Variants in UBL3 observed in about 807,000 individuals in gnomAD.
UBL3 encodes the protein ubiquitin-like protein 3.
In UBL3, 6 loss-of-function variants were observed where a neutral mutation model predicts 18.4. The ratio of observed to expected loss-of-function variants is 0.33; its 90% confidence interval spans 0.18 to 0.64. The LOEUF is 0.64. UBL3 is among the 30% of genes least tolerant of loss of function. The probability of loss-of-function intolerance (pLI) is 0.76; values close to 1 mark genes in which losing one functional copy is unlikely to be tolerated. For synonymous variants in UBL3, 49 were observed against 46.6 expected, an observed-to-expected ratio of 1.05 and a Z score of -0.21; for missense variants, 109 against 142.9, an observed-to-expected ratio of 0.76 and a Z score of 1.21.
At chr13:29,784,759 T>C (rs1222127309) in intron 1 of UBL3, among the ~76,000 whole-genome samples, 1 of 152,210 alleles carries the variant, frequency 6.6e-6, no homozygotes, top group Non-Finnish European at 1.5e-5. Context: ...GTGATGGAAC[T>C]GTCCTGTATC....
At chr13:29,817,063 C>A (rs79900483) in intron 1 of UBL3, among the ~76,000 whole-genome samples, 2,278 of 152,254 alleles carry the variant, frequency 0.015, 57 homozygotes, top group African/African-American at 0.051. Context: ...CCTCATTATT[C>A]CTGGACATTT....
Position 29,849,831 on chromosome 13 carries a change from C to G in UBL3, c.-293G>C, listed in dbSNP as rs996314591. 1.7e-5 allele frequency: 9 copies of G among 534,280 alleles called. No individual in the cohort carries two copies. The highest frequency in any genetic ancestry group is 7.7e-5 in the African/African-American group (4 of 52,098). The allele number at this position is 534,280 out of a possible 1,614,324, so 33.1% of individuals were successfully genotyped here. A position where few individuals can be genotyped will look rare whatever the true frequency, so the allele number is the denominator to read the frequency against. Reference sequence around the variant, plus strand: ...CAGCAGCAGCAGCCCCAGGACCGGCCGCGCCAGGTGGACCGAGCCGAGTGA... The same window carrying G: ...CAGCAGCAGCAGCCCCAGGACCGGCGGCGCCAGGTGGACCGAGCCGAGTGA... On this transcript the variant is annotated 5_prime_UTR_variant, in exon 1 of 5. Transcript: ENST00000380680.
At chr13:29,777,597 C>T (rs562647876) in intron 1 of UBL3, 8 of 299,626 alleles carry the variant, frequency 2.7e-5, no homozygotes, top group South Asian at 2.5e-4. Context: ...ATAGAATATA[C>T]ATTTTTACCC....
chr13:29,819,425 A>T (rs1565997748), intron 1 of UBL3, among the ~76,000 whole-genome samples: 1 of 152,240 alleles, frequency 6.6e-6, no homozygotes, highest in Non-Finnish European at 1.5e-5. Context: ...CAAAAGAAAC[A>T]GTTACCTGTG....
intron 1 of UBL3, among the ~76,000 whole-genome samples, chr13:29,828,787 T>A (rs1449253040): frequency 6.6e-6 from 1 of 152,244 alleles, no homozygotes; most frequent in Non-Finnish European, 1.5e-5. Flanking sequence ...TGCTCTGTTT[T>A]TTCCCCATTT....
intron 1 of UBL3, among the ~76,000 whole-genome samples, chr13:29,780,017 C>T (rs937084869): frequency 6.6e-6 from 1 of 152,076 alleles, no homozygotes; most frequent in African/African-American, 2.4e-5. Context: ...TTTTGCCTGT[C>T]TACTGTATTT....
At chr13:29,811,484 G>C (rs1878081099) in intron 1 of UBL3, among the ~76,000 whole-genome samples, 1 of 152,042 alleles carries the variant, frequency 6.6e-6, no homozygotes, top group Non-Finnish European at 1.5e-5. Flanking sequence ...GAGGTGTATG[G>C]AAGACTGATG....
chr13:29,814,655 C>T (rs1312126796), intron 1 of UBL3, among the ~76,000 whole-genome samples: 1 of 152,048 alleles, frequency 6.6e-6, no homozygotes, highest in Non-Finnish European at 1.5e-5. Flanking sequence ...GCTGTCCCAG[C>T]ACATAAGCTA....
At chr13:29,771,806 A>C (rs1876847680) in intron 3 of UBL3, among the ~76,000 whole-genome samples, 1 of 152,056 alleles carries the variant, frequency 6.6e-6, no homozygotes, top group Non-Finnish European at 1.5e-5. Flanking sequence ...TTAAGTTTAA[A>C]ATACTACATC....
intron 1 of UBL3, among the ~76,000 whole-genome samples, chr13:29,788,306 A>T (rs1302574063): frequency 2.0e-5 from 3 of 152,118 alleles, no homozygotes; most frequent in African/African-American, 7.2e-5. Flanking sequence ...TACTTATTCT[A>T]TGCTATTATC....
intron 1 of UBL3, among the ~76,000 whole-genome samples, chr13:29,837,172 A>G (rs1255536635): frequency 6.6e-6 from 1 of 152,214 alleles, no homozygotes; most frequent in African/African-American, 2.4e-5. Flanking sequence ...ATTTTTCATC[A>G]CAATGTTAAT....
At chr13:29,780,704 TTACCTATCC>T (rs1877131781) in intron 1 of UBL3, among the ~76,000 whole-genome samples, 1 of 152,106 alleles carries the variant, frequency 6.6e-6, no homozygotes, top group African/African-American at 2.4e-5. Flanking sequence ...AAGACTACAT[TTACCTATCC>T]TACCTATCCT....
intron 1 of UBL3, among the ~76,000 whole-genome samples, chr13:29,835,562 C>A (rs1878939748): frequency 6.6e-6 from 1 of 151,470 alleles, no homozygotes; most frequent in Non-Finnish European, 1.5e-5. Flanking sequence ...CAAGACCATC[C>A]TGGCCAACAT....
At chr13:29,829,752 T>C (rs1184696692) in intron 1 of UBL3, among the ~76,000 whole-genome samples, 1 of 152,206 alleles carries the variant, frequency 6.6e-6, no homozygotes, top group Non-Finnish European at 1.5e-5. Flanking sequence ...CAGTTGGAAA[T>C]GCAGAAATCA....
rs145139292 is a variant in UBL3 at position 29,790,409 on chromosome 13, T to C, written c.28-13146A>G. 4.6e-5 allele frequency among the ~76,000 whole-genome samples: 7 copies of C among 152,346 alleles called. No homozygotes were observed. The East Asian group carries it at 9.6e-4, about 21-fold the overall frequency. On this transcript the variant is annotated intron_variant, in intron 1 of 4. Coordinates refer to ENST00000380680, the MANE Select transcript of UBL3 (RefSeq NM_007106.4). ...GAACTGTGCTCCTAAAGGTTACTTA[T>C]GACCATCTAATGAAAACATCAAAAA... is the stretch of plus-strand genomic sequence containing the variant.
intron 1 of UBL3, among the ~76,000 whole-genome samples, chr13:29,836,170 T>A (rs1878957246): frequency 6.6e-6 from 1 of 151,920 alleles, no homozygotes; most frequent in Non-Finnish European, 1.5e-5. Flanking sequence ...TGACTGAATA[T>A]AAAGAATGAG....
In UBL3 at chr13:29,832,163, C is replaced by T. The variant is rs1016294356; in HGVS notation, c.27+17349G>A. ...GACACAGCAGTTTAGAAAGATGAGGCCTCTCTGCCCTCAGAGTAAGTACAT... is the reference window on the plus strand; with the variant it reads ...GACACAGCAGTTTAGAAAGATGAGGTCTCTCTGCCCTCAGAGTAAGTACAT... On this transcript the variant is annotated intron_variant, in intron 1 of 4. Transcript: ENST00000380680. Among the ~76,000 whole-genome samples, 12 of 152,246 alleles carry T rather than the reference C, an allele frequency of 7.9e-5. 1 individual carries two copies. The Middle Eastern group carries it at 0.02, about 259-fold the overall frequency.
chr13:29,790,420 T>A (rs1206116058), intron 1 of UBL3, among the ~76,000 whole-genome samples: 1 of 152,210 alleles, frequency 6.6e-6, no homozygotes, highest in African/African-American at 2.4e-5. Context: ...GACCATCTAA[T>A]GAAAACATCA....
At chr13:29,771,560 G>C (rs1158142045) in intron 3 of UBL3, among the ~76,000 whole-genome samples, 1 of 152,046 alleles carries the variant, frequency 6.6e-6, no homozygotes, top group Admixed American at 6.6e-5. Context: ...AACACAGGTT[G>C]GTTAAGTCAC....
Sources: gnomAD v4.1 joint callset for allele counts (sites outside exome capture counted in the v4.1 genomes callset) on GRCh38, gnomAD v4.1.1 for gene constraint, MANE v1.5 for transcripts, NCBI Gene and HGNC (gene_info 2026-07-23, HGNC 2026-07-21) for gene names.